Variants in NEBL observed in about 807,000 individuals in gnomAD.
The protein encoded by NEBL is nebulette.
Under a neutral mutation model 140.2 loss-of-function variants are expected in NEBL, and 122 were observed. The observed-to-expected ratio is 0.87, with a 90% confidence interval of 0.75 to 1.01. The LOEUF is 1.01. Among genes scored for constraint, NEBL ranks in the 50% least tolerant of loss-of-function variants. The pLI is 0.00. For missense variants in NEBL, 1,365 were observed against 1,231.3 expected (o/e 1.11, Z -1.62); for synonymous variants, 436 against 398.9 (o/e 1.09, Z -1.11).
At chr10:20,913,360 CCT>C (rs1848410375) in intron 4 of NEBL, among the ~76,000 whole-genome samples, 1 of 152,164 alleles carries the variant, frequency 6.6e-6, no homozygotes, top group South Asian at 2.1e-4. Flanking sequence ...AACAAGGTCT[CCT>C]GTGGGACAAA....
At chr10:21,284,876 T>A (rs1843036249) in intron 1 of NEBL, among the ~76,000 whole-genome samples, 1 of 152,202 alleles carries the variant, frequency 6.6e-6, no homozygotes, top group Admixed American at 6.5e-5. Context: ...ACATCCTGTT[T>A]TTGTGAACTG....
At chr10:20,915,777 G>A (rs1406601335) in intron 4 of NEBL, among the ~76,000 whole-genome samples, 5 of 152,044 alleles carry the variant, frequency 3.3e-5, no homozygotes, top group Admixed American at 1.3e-4. Context: ...ACCCAGTAAT[G>A]GGATGGCTGG....
intron 19 of NEBL, among the ~76,000 whole-genome samples, chr10:20,820,876 C>A (rs1200089316): frequency 6.6e-6 from 1 of 151,876 alleles, no homozygotes; most frequent in Non-Finnish European, 1.5e-5. Context: ...AAGAAATAGA[C>A]TTAAGATGCA....
intron 2 of NEBL, chr10:21,126,169 C>T (rs749557716): frequency 1.9e-6 from 3 of 1,560,172 alleles, no homozygotes; most frequent in South Asian, 1.2e-5. Flanking sequence ...CTGGTACCCC[C>T]CATAGAAAGG....
intron 2 of NEBL, among the ~76,000 whole-genome samples, chr10:21,079,452 G>T (rs1803029297): frequency 1.3e-5 from 2 of 152,216 alleles, no homozygotes; most frequent in African/African-American, 4.8e-5. Context: ...GGCTCACAGG[G>T]CTTAAGTAAC....
At chr10:21,186,494 T>G (rs567763905) in intron 3 of NEBL, among the ~76,000 whole-genome samples, 11 of 152,266 alleles carry the variant, frequency 7.2e-5, no homozygotes, top group Non-Finnish European at 1.6e-4. Context: ...GTCTGTGATA[T>G]AAAATGGTGT....
intron 9 of NEBL, 60 bp downstream of exon 9, chr10:20,858,180 G>A: frequency 7.6e-7 from 1 of 1,312,708 alleles, no homozygotes; most frequent in South Asian, 1.2e-5. Flanking sequence ...GAACGCTGCA[G>A]ACATATTGGC....
intron 22 of NEBL, among the ~76,000 whole-genome samples, chr10:20,815,244 G>C (rs575525524): frequency 6.6e-6 from 1 of 152,220 alleles, no homozygotes; most frequent in African/African-American, 2.4e-5. Flanking sequence ...CTCCTATTTT[G>C]TTTTGCAGAC....
intron 3 of NEBL, among the ~76,000 whole-genome samples, chr10:21,243,295 A>ATTTTTT (rs1842465463): frequency 7.3e-6 from 1 of 137,626 alleles, no homozygotes; most frequent in Non-Finnish European, 1.5e-5. Flanking sequence ...GTGATTGAGC[A>ATTTTTT]TTCTTTTTTT....
Position 20,787,262 on chromosome 10 carries a change from A to G in NEBL, c.2808T>C (p.Tyr936=), listed in dbSNP as rs1396873803. The change falls in exon 27 of 28, where the codon TAT becomes TAC. Residue 936 remains tyrosine, a synonymous_variant. Transcript: ENST00000377122. ...GAYQQSHSQG[Y]GYMHQTSVSS... Reference sequence around the variant, plus strand: ...ACACACTGGTCTGGTGCATGTAGCCATAGCCTTGGGAATGGCTTTGCTGAT... The same window carrying G: ...ACACACTGGTCTGGTGCATGTAGCCGTAGCCTTGGGAATGGCTTTGCTGAT... The G allele has an allele frequency of 2.5e-6, 4 of 1,613,650 alleles. No individual in the cohort carries two copies. The highest frequency in any genetic ancestry group is 1.7e-6 in the Non-Finnish European group (2 of 1,179,750).
chr10:21,061,243 A>ATTACATATTATGTGATATGTAACATG (rs1564496927), intron 2 of NEBL, among the ~76,000 whole-genome samples: 1 of 128,184 alleles, frequency 7.8e-6, no homozygotes, highest in South Asian at 2.5e-4. Context: ...ATTGTGATAT[A>ATTACATATTATGTGATATGTAACATG]TTACATATTA....
chr10:21,291,121 A>G (rs901547770), intron 1 of NEBL, among the ~76,000 whole-genome samples: 11 of 151,960 alleles, frequency 7.2e-5, no homozygotes, highest in Admixed American at 2.6e-4. Context: ...ATCAGTTTTC[A>G]GTAGATCCCA....
At chr10:21,149,556 G>T (rs1480700440) in intron 2 of NEBL, among the ~76,000 whole-genome samples, 1 of 152,198 alleles carries the variant, frequency 6.6e-6, no homozygotes, top group Admixed American at 6.5e-5. Context: ...TTCCCAAAGT[G>T]CTGGGATTAT....
chr10:21,217,353 T>C (rs1262589601), intron 3 of NEBL, among the ~76,000 whole-genome samples: 1 of 152,176 alleles, frequency 6.6e-6, no homozygotes, highest in Non-Finnish European at 1.5e-5. Flanking sequence ...ATTACAGGCA[T>C]AGACTTGCCA....
intron 2 of NEBL, among the ~76,000 whole-genome samples, chr10:21,052,701 G>A (rs1008719444): frequency 1.3e-5 from 2 of 152,202 alleles, no homozygotes; most frequent in African/African-American, 4.8e-5. Context: ...CACTCAGGAA[G>A]AGCAGTGCCG....
rs539046045 is a variant in NEBL, at chr10:21,196,505, C to T, written n.349-24028G>A. Among the ~76,000 whole-genome samples, 9 of 151,228 alleles carry T rather than the reference C, an allele frequency of 6.0e-5. No homozygotes were observed. In the South Asian group the frequency reaches 6.3e-4, roughly 11 times the overall value. ...GATTACAGGCGCCCATCACTAAACC[C>T]GGCTAATTTTTGTATTTTTAATAGG... On this transcript the variant is annotated intron_variant and non_coding_transcript_variant, in intron 3 of 8. Transcript: ENST00000675702.
At chr10:20,909,875 T>C (rs749182130) in intron 4 of NEBL, among the ~76,000 whole-genome samples, 19 of 152,244 alleles carry the variant, frequency 1.2e-4, no homozygotes, top group Non-Finnish European at 1.9e-4. Context: ...AAAGCACATA[T>C]AGTGATATAT....
In NEBL at chr10:21,173,846, C is replaced by T. The variant is rs1841195935; in HGVS notation, c.-13G>A. 6.2e-7 allele frequency: 1 copy of T among 1,609,542 alleles called. No individual in the cohort carries two copies. The highest frequency in any genetic ancestry group is 1.7e-5 in the Admixed American group (1 of 59,906). ...ACTGGGGGTTCATGATCGCGGTTCC[C>T]GGGGGCGGCGGCGGCGGCGGCTGCT... On this transcript the variant is annotated 5_prime_UTR_variant, in exon 1 of 7. Coordinates refer to the NEBL transcript ENST00000417816. This position sits in a 1 kb window ranked among gnomAD's most constrained non-coding sequence, Gnocchi z 5.7.
At chr10:21,020,199 T>C in exon 3 of NEBL, 1 of 1,605,004 alleles carries the variant, frequency 6.2e-7, no homozygotes, top group Non-Finnish European at 8.5e-7. Flanking sequence ...CTTCGGGTAG[T>C]GTCTGTGGGG....
Sources: gnomAD v4.1 joint callset for allele counts (sites outside exome capture counted in the v4.1 genomes callset) on GRCh38, gnomAD v4.1.1 for gene constraint, Gnocchi (gnomAD v3.1) non-coding constraint, MANE v1.5 for transcripts, NCBI Gene and HGNC (gene_info 2026-07-23, HGNC 2026-07-21) for gene names.